PPP1R1A: variants seen among roughly 807,000 people sequenced by gnomAD.
PPP1R1A encodes protein phosphatase 1 regulatory inhibitor subunit 1A.
A neutral mutation model predicts 23.9 loss-of-function variants in PPP1R1A; 18 were observed. The ratio of observed to expected loss-of-function variants is 0.75; its 90% CI spans 0.52 to 1.12. PPP1R1A has a LOEUF of 1.12. Ranked by LOEUF, PPP1R1A falls within the 50% of genes most tolerant of loss-of-function variation. The pLI is 0.00. For synonymous variants in PPP1R1A, 84 were observed against 80.7 expected (o/e 1.04, Z -0.22); for missense variants, 207 against 223.8 (o/e 0.92, Z 0.48).
At position 54,579,487 on chromosome 12, in the gene PPP1R1A, G is replaced by A; in HGVS notation, c.*900C>T. 2.0e-6 allele frequency: 2 copies of A among 985,398 alleles called. No individual in the cohort carries two copies. Among genetic ancestry groups the A allele is most frequent in the South Asian group, 9.4e-5 (2 of 21,280 alleles). 61.0% of individuals were successfully genotyped at this position (985,398 alleles called of 1,614,324 possible). A position where few individuals can be genotyped will look rare whatever the true frequency, so the allele number is the denominator to read the frequency against. ...CCTCTGTACCACATGCTTCAGCAGGGAGGGGGAAAGAATCTTGCCTTCCCT... is the reference window on the plus strand; with the variant it reads ...CCTCTGTACCACATGCTTCAGCAGGAAGGGGGAAAGAATCTTGCCTTCCCT... On this transcript the variant is annotated 3_prime_UTR_variant, in exon 7 of 7. Transcript: ENST00000257905.
chr12:54,580,262 C>A lies in PPP1R1A; in HGVS notation c.*125G>T. On this transcript the variant is annotated 3_prime_UTR_variant, in exon 7 of 7. Transcript: ENST00000257905. ...GGAAAAGAAGGAAAGTGCCAAGGAC[C>A]TAACACCAAATTTATCACTTTTTAA... 6.6e-7 allele frequency: 1 copy of A among 1,513,564 alleles called. No homozygotes were observed. 93.8% of individuals were successfully genotyped at this position (1,513,564 alleles called of 1,614,324 possible). A position where few individuals can be genotyped will look rare whatever the true frequency, so the allele number is the denominator to read the frequency against.
rs1327659915 is a variant in PPP1R1A at position 54,582,713 on chromosome 12, T to TGGGA, written c.247+15_247+18dup. 8.7e-6 allele frequency: 14 copies of TGGGA among 1,612,168 alleles called. No homozygotes were observed. Among genetic ancestry groups the TGGGA allele is most frequent in the Non-Finnish European group, 1.2e-5 (14 of 1,178,502 alleles). The stretch of plus-strand genomic sequence containing the variant: ...TTCAGGCACAGAGGAGAAAAAGGGA[T>TGGGA]GGGAGGGGTCTTGCAAACCTTTCAT... On this transcript the variant is annotated intron_variant, in intron 4 of 6. Transcript: ENST00000257905.
In PPP1R1A at chr12:54,579,473, CA is replaced by C; in HGVS notation, c.*913del. ...AGGCTCTGCTCTTGCCTCTGTACCA[CA>C]TGCTTCAGCAGGGAGGGGGAAAGAA... On this transcript the variant is annotated 3_prime_UTR_variant, in exon 7 of 7. Coordinates refer to ENST00000257905, the MANE Select transcript of PPP1R1A (RefSeq NM_006741.4). 1.0e-6 allele frequency: 1 copy of C among 985,392 alleles called. No individual in the cohort carries two copies. The highest frequency in any genetic ancestry group is 1.2e-6 in the Non-Finnish European group (1 of 829,936). The allele number at this position is 985,392 out of a possible 1,614,324, so 61.0% of individuals were successfully genotyped here.
intron 2 of PPP1R1A, among the ~76,000 whole-genome samples, chr12:54,583,798 A>G (rs1957881424): frequency 6.6e-6 from 1 of 152,122 alleles, no homozygotes; most frequent in Non-Finnish European, 1.5e-5. Flanking sequence ...TTCTCTGAGA[A>G]CTTGTTTTCT....
rs1226311371 is a variant in PPP1R1A at position 54,580,223 on chromosome 12, G to A, written c.*164C>T. 6.9e-7 allele frequency: 1 copy of A among 1,440,652 alleles called. No homozygotes were observed. Among genetic ancestry groups the A allele is most frequent in the African/African-American group, 1.4e-5 (1 of 69,694 alleles). 89.2% of individuals were successfully genotyped at this position (1,440,652 alleles called of 1,614,324 possible). A position where few individuals can be genotyped will look rare whatever the true frequency, so the allele number is the denominator to read the frequency against. ...GGCAGGGCAAGAAGGCAGGGAGAAA[G>A]GATTCTCCCAGTTGGAAAAGAAGGA... is the stretch of plus-strand genomic sequence containing the variant. On this transcript the variant is annotated 3_prime_UTR_variant, in exon 7 of 7. Coordinates refer to ENST00000257905, the MANE Select transcript of PPP1R1A (RefSeq NM_006741.4).
chr12:54,582,839 C>T, intron 3 of PPP1R1A, 44 bp from the exon 4 acceptor site: 1 of 1,579,754 alleles, frequency 6.3e-7, no homozygotes, highest in Non-Finnish European at 8.7e-7. Context: ...CCCCCCCTTG[C>T]TCTCCAGACC....
rs1249292849 is a variant in PPP1R1A at position 54,581,822 on chromosome 12, A to G, written c.403+154T>C. ...AAAGTGAAGATTCAAATATATGCCG[A>G]ACATGCCAACAGATCCATATCCTTG... is the stretch of plus-strand genomic sequence containing the variant. On this transcript the variant is annotated intron_variant, in intron 5 of 6. Coordinates refer to ENST00000257905, the MANE Select transcript of PPP1R1A (RefSeq NM_006741.4). The surrounding 1 kb of genome is among the most constrained non-coding windows in gnomAD (Gnocchi z 4.1). 6.6e-6 allele frequency among the ~76,000 whole-genome samples: 1 copy of G among 152,206 alleles called. No homozygotes were observed. The highest frequency in any genetic ancestry group is 1.5e-5 in the Non-Finnish European group (1 of 68,032).
chr12:54,583,012 CTGTGAGTGTGTGTGTGTA>C (rs1957872215), intron 3 of PPP1R1A, among the ~76,000 whole-genome samples, 181 bp downstream of exon 3: 1 of 151,982 alleles, frequency 6.6e-6, no homozygotes, highest in South Asian at 2.1e-4. Flanking sequence ...AGCAAGGAGA[CTGTGAGTGTGTGTGTGTA>C]TGTGAGTGTG....
rs1228470168 is a variant in PPP1R1A at position 54,580,395 on chromosome 12, G to A, written c.511-3C>T. 3 of 1,612,782 alleles carry A rather than the reference G, an allele frequency of 1.9e-6. No individual in the cohort carries two copies. Among genetic ancestry groups the A allele is most frequent in the Non-Finnish European group, 1.7e-6 (2 of 1,178,924 alleles). On this transcript the variant is annotated splice_polypyrimidine_tract_variant and splice_region_variant and intron_variant, in intron 6 of 6. Coordinates refer to ENST00000257905, the MANE Select transcript of PPP1R1A (RefSeq NM_006741.4). ...AGATACCTCCTCCTCTCTCAGACCT[G>A]TTATGGGGGAAAGGGGACAGAAAGA...
In PPP1R1A at chr12:54,584,264, G is replaced by A. The variant is rs1387537762; in HGVS notation, c.141C>T (p.Ser47=). The A allele has an allele frequency of 5.0e-6, 8 of 1,601,102 alleles. No individual in the cohort carries two copies. The highest frequency in any genetic ancestry group is 6.8e-6 in the Non-Finnish European group (8 of 1,174,062). The part of the protein sequence containing the change: ...ATLVLTSDQS[S]PEIDEDRIPN... ...GCAACCTATCCCTTGGCTTACCTGG[G>A]GATGACTGGTCACTGGTCAGCACGA... Residue 47 remains serine, a synonymous_variant, in exon 2 of 7, where the codon TCC becomes TCT. Transcript: ENST00000257905.
intron 6 of PPP1R1A, 175 bp downstream of exon 6, chr12:54,580,769 T>C (rs1055243509): frequency 5.4e-6 from 4 of 745,974 alleles, no homozygotes; most frequent in Non-Finnish European, 9.7e-6. Context: ...AGCTATCCAT[T>C]TCTTTTTGTC....
At chr12:54,583,651 AG>A (rs1375227613) in intron 2 of PPP1R1A, among the ~76,000 whole-genome samples, 1 of 152,188 alleles carries the variant, frequency 6.6e-6, no homozygotes, top group Non-Finnish European at 1.5e-5. Flanking sequence ...GAACAGTGAT[AG>A]AGGACAGTCA....
chr12:54,580,273 T>C lies in PPP1R1A; in HGVS notation c.*114A>G. The C allele has an allele frequency of 6.5e-7, 1 of 1,536,920 alleles. No individual in the cohort carries two copies. Among genetic ancestry groups the C allele is most frequent in the Non-Finnish European group, 8.8e-7 (1 of 1,140,838 alleles). Reference sequence around the variant, plus strand: ...AAAGTGCCAAGGACCTAACACCAAATTTATCACTTTTTAAAAACAAGAGAT... The same window carrying C: ...AAAGTGCCAAGGACCTAACACCAAACTTATCACTTTTTAAAAACAAGAGAT... On this transcript the variant is annotated 3_prime_UTR_variant, in exon 7 of 7. Transcript: ENST00000257905.
rs1957856301 is a variant in PPP1R1A, at chr12:54,581,554, G to C, written c.403+422C>G. ...CTTATTGCATGCTCTGTGTGTGTCG[G>C]GTGCTGTGTCAACAGCCAGTCTCAT... On this transcript the variant is annotated intron_variant, in intron 5 of 6. Coordinates refer to ENST00000257905, the MANE Select transcript of PPP1R1A (RefSeq NM_006741.4). The surrounding 1 kb of genome is among the most constrained non-coding windows in gnomAD (Gnocchi z 4.1). Among the ~76,000 whole-genome samples the C allele has an allele frequency of 1.3e-5, 2 of 152,168 alleles. No homozygotes were observed. The highest frequency in any genetic ancestry group is 2.9e-5 in the Non-Finnish European group (2 of 68,030).
At chr12:54,582,177 G>GC in intron 4 of PPP1R1A, 46 bp from the exon 5 acceptor site, 1 of 1,562,748 alleles carries the variant, frequency 6.4e-7, no homozygotes, top group Non-Finnish European at 8.7e-7. Context: ...TGACTGCCTA[G>GC]CGTCTCCCCT....
chr12:54,580,776 T>C, intron 6 of PPP1R1A, 168 bp downstream of exon 6: 1 of 753,138 alleles, frequency 1.3e-6, no homozygotes, highest in Non-Finnish European at 2.4e-6. Flanking sequence ...CATTTCTTTT[T>C]GTCTGTCAGA....
intron 4 of PPP1R1A, 114 bp from the exon 5 acceptor site, chr12:54,582,245 G>T: frequency 1.8e-6 from 2 of 1,132,382 alleles, no homozygotes; most frequent in South Asian, 1.7e-5. Context: ...CTGGGTGTTT[G>T]ACTTTCCCAT....
Position 54,580,366 on chromosome 12 carries a change from C to A in PPP1R1A, c.*21G>T, listed in dbSNP as rs1192245485. 1.2e-6 allele frequency: 2 copies of A among 1,613,514 alleles called. No homozygotes were observed. The highest frequency in any genetic ancestry group is 1.7e-6 in the Non-Finnish European group (2 of 1,179,630). ...TGCATTCCCAAACTGCAGTCTTGAT[C>A]CCAAGATACCTCCTCCTCTCTCAGA... On this transcript the variant is annotated 3_prime_UTR_variant, in exon 7 of 7. Coordinates refer to ENST00000257905, the MANE Select transcript of PPP1R1A (RefSeq NM_006741.4).
At chr12:54,583,001 G>A (rs1957872015) in intron 3 of PPP1R1A, among the ~76,000 whole-genome samples, 1 of 152,164 alleles carries the variant, frequency 6.6e-6, no homozygotes, top group South Asian at 2.1e-4. Context: ...CGACAATGGT[G>A]AGCAAGGAGA....
Sources: gnomAD v4.1 joint callset for allele counts (sites outside exome capture counted in the v4.1 genomes callset) on GRCh38, gnomAD v4.1.1 for gene constraint, Gnocchi (gnomAD v3.1) non-coding constraint, MANE v1.5 for transcripts, NCBI Gene and HGNC (gene_info 2026-07-23, HGNC 2026-07-21) for gene names.